Variants in FNIP1 observed in about 807,000 individuals in gnomAD.
The protein encoded by FNIP1 is folliculin-interacting protein 1.
In FNIP1, 40 loss-of-function variants were observed where a neutral mutation model predicts 124.5. The ratio of observed to expected loss-of-function variants is 0.32; its 90% CI spans 0.25 to 0.42. The LOEUF (loss-of-function observed/expected upper bound fraction) is 0.42, where lower values mean the gene tolerates loss of function less well. Ranked by LOEUF, FNIP1 falls within the 10% of genes least tolerant of loss-of-function variation. The pLI, the probability that FNIP1 is intolerant of heterozygous loss-of-function variation, is 1.00. For missense variants in FNIP1, 1,176 were observed against 1,403.7 expected (o/e 0.84, Z 2.59); for synonymous variants, 472 against 470.6 (o/e 1.00, Z -0.04).
At chr5:131,649,424 A>G (rs766477424) in intron 16 of FNIP1, among the ~76,000 whole-genome samples, 5 of 152,098 alleles carry the variant, frequency 3.3e-5, no homozygotes. Flanking sequence ...TGTTGAGCAT[A>G]TTTTCATGTG....
intron 11 of FNIP1, among the ~76,000 whole-genome samples, chr5:131,688,973 T>C (rs977686133): frequency 4.0e-5 from 6 of 151,460 alleles, no homozygotes; most frequent in South Asian, 2.1e-4. Flanking sequence ...CAACAAACCA[T>C]AGACGCAGGA....
At chr5:131,666,786 T>G (rs183078064) in intron 15 of FNIP1, among the ~76,000 whole-genome samples, 1 of 152,274 alleles carries the variant, frequency 6.6e-6, no homozygotes, top group Admixed American at 6.5e-5. Flanking sequence ...ACCCTTAAAA[T>G]CAAAATGTTG....
intron 1 of FNIP1, among the ~76,000 whole-genome samples, chr5:131,781,890 G>T (rs1772007973): frequency 1.3e-5 from 2 of 152,192 alleles, no homozygotes; most frequent in Non-Finnish European, 2.9e-5. Context: ...AGGTGTGGTG[G>T]CTCATGACTG....
chr5:131,684,143 C>CA (rs1177462951), intron 11 of FNIP1, among the ~76,000 whole-genome samples: 1 of 151,806 alleles, frequency 6.6e-6, no homozygotes, highest in East Asian at 1.9e-4. Flanking sequence ...CAGAAAAATG[C>CA]AAAAAAATTG....
chr5:131,762,512 GATC>G (rs1469422833), intron 1 of FNIP1, among the ~76,000 whole-genome samples: 1 of 152,140 alleles, frequency 6.6e-6, no homozygotes, highest in Non-Finnish European at 1.5e-5. Context: ...CAATACCACT[GATC>G]ATCAGAGAAA....
At chr5:131,785,701 G>A (rs894570102) in intron 1 of FNIP1, among the ~76,000 whole-genome samples, 7 of 152,070 alleles carry the variant, frequency 4.6e-5, no homozygotes, top group Admixed American at 2.0e-4. Flanking sequence ...CAGGCATTTC[G>A]TTAAAAAAAA....
intron 15 of FNIP1, among the ~76,000 whole-genome samples, chr5:131,661,217 GTTTT>G (rs1410607142): frequency 2.1e-5 from 1 of 47,186 alleles, no homozygotes; most frequent in African/African-American, 8.2e-5. Flanking sequence ...TCTTGTCTTT[GTTTT>G]GTGTGTGTGT....
chr5:131,716,679 T>A, intron 5 of FNIP1, 23 bp from the exon 6 acceptor site: 1 of 1,421,610 alleles, frequency 7.0e-7, no homozygotes, highest in Non-Finnish European at 9.7e-7. Flanking sequence ...AGAAGAAAAT[T>A]AATTCCAAAT....
At chr5:131,654,560 A>C (rs1767135539) in intron 15 of FNIP1, among the ~76,000 whole-genome samples, 1 of 152,326 alleles carries the variant, frequency 6.6e-6, no homozygotes, top group East Asian at 1.9e-4. Flanking sequence ...TAGACTTGTG[A>C]GGGAGATCAA....
chr5:131,740,384 G>A (rs903216773), intron 2 of FNIP1, among the ~76,000 whole-genome samples: 3 of 152,102 alleles, frequency 2.0e-5, no homozygotes, highest in South Asian at 2.1e-4. Flanking sequence ...ACGATGCTTC[G>A]GAGTGTTTCT....
intron 5 of FNIP1, among the ~76,000 whole-genome samples, chr5:131,717,874 A>G (rs889068496): frequency 1.3e-5 from 2 of 152,102 alleles, no homozygotes; most frequent in Non-Finnish European, 2.9e-5. Flanking sequence ...TAAGGCATCC[A>G]TAATATTTTA....
intron 2 of FNIP1, among the ~76,000 whole-genome samples, chr5:131,733,643 G>A (rs1370151166): frequency 3.3e-5 from 5 of 152,120 alleles, no homozygotes; most frequent in South Asian, 4.1e-4. Context: ...ATTGATTTGC[G>A]TATGTTAAAC....
chr5:131,725,010 T>C (rs1176782852), intron 3 of FNIP1, among the ~76,000 whole-genome samples: 2 of 152,216 alleles, frequency 1.3e-5, no homozygotes, highest in Non-Finnish European at 2.9e-5. Flanking sequence ...CAGATGGTTG[T>C]TGATGTGTGG....
intron 13 of FNIP1, among the ~76,000 whole-genome samples, chr5:131,673,419 A>C (rs1280755260): frequency 1.3e-5 from 2 of 152,146 alleles, no homozygotes; most frequent in Non-Finnish European, 2.9e-5. Context: ...GAATAATCTT[A>C]ACCAGAGAGA....
intron 13 of FNIP1, 104 bp from the exon 14 acceptor site, chr5:131,673,028 G>C (rs1767811574): frequency 1.3e-6 from 1 of 744,618 alleles, no homozygotes; most frequent in African/African-American, 1.8e-5. Flanking sequence ...ATGAGTAATA[G>C]TTTAGGTTTT....
intron 10 of FNIP1, among the ~76,000 whole-genome samples, chr5:131,700,207 C>G (rs866719042): frequency 9.2e-5 from 14 of 151,996 alleles, no homozygotes; most frequent in Non-Finnish European, 1.9e-4. Context: ...TGGTCTCGAT[C>G]TCTTGACCTT....
intron 1 of FNIP1, among the ~76,000 whole-genome samples, chr5:131,753,401 TG>T (rs1199324522): frequency 6.6e-6 from 1 of 152,156 alleles, no homozygotes; most frequent in Non-Finnish European, 1.5e-5. Flanking sequence ...ATTCCTACAT[TG>T]AAATACTACT....
chr5:131,644,560 C>A lies in FNIP1; in HGVS notation c.*125G>T. On this transcript the variant is annotated 3_prime_UTR_variant, in exon 18 of 18. Transcript: ENST00000510461. ...AGAATATACAATGCTATGCAGAATA[C>A]CCTGGTGACTGACTCATTCAGATGG... The A allele has an allele frequency of 1.3e-6, 1 of 759,818 alleles. No homozygotes were observed. The highest frequency in any genetic ancestry group is 2.2e-6 in the Non-Finnish European group (1 of 453,596). The allele number at this position is 759,818 out of a possible 1,614,324, so 47.1% of individuals were successfully genotyped here. A position where few individuals can be genotyped will look rare whatever the true frequency, so the allele number is the denominator to read the frequency against.
At chr5:131,655,362 A>C (rs1162396455) in intron 15 of FNIP1, among the ~76,000 whole-genome samples, 1 of 152,190 alleles carries the variant, frequency 6.6e-6, no homozygotes, top group South Asian at 2.1e-4. Context: ...AACAAACAAA[A>C]AAATGTAGGT....
Sources: allele counts gnomAD v4.1 joint callset (sites outside exome capture counted in the v4.1 genomes callset), GRCh38; gene constraint gnomAD v4.1.1; transcripts MANE v1.5; gene names NCBI Gene and HGNC (gene_info 2026-07-23, HGNC 2026-07-21).